Variants in MAML1 observed in about 807,000 individuals in gnomAD.
MAML1 encodes mastermind-like protein 1.
In MAML1, 14 loss-of-function variants were observed where a neutral mutation model predicts 77.1. The observed-to-expected ratio is 0.18, with a 90% CI of 0.12 to 0.28. The LOEUF is 0.28. Among genes scored for constraint, MAML1 ranks in the 10% least tolerant of loss-of-function variants. The probability of loss-of-function intolerance (pLI) is 1.00; values close to 1 mark genes in which losing one functional copy is unlikely to be tolerated. For synonymous variants in MAML1, 516 were observed against 551.9 expected (o/e 0.93, Z 0.91); for missense variants, 1,217 against 1,327.8 (o/e 0.92, Z 1.30).
At chr5:179,751,871 G>A (rs531111879) in intron 1 of MAML1, among the ~76,000 whole-genome samples, 87 of 152,152 alleles carry the variant, frequency 5.7e-4, no homozygotes, top group African/African-American at 2.1e-3. Context: ...AGGCTTGGTG[G>A]TGTACACCTG....
Position 179,764,995 on chromosome 5 carries a change from A to ATATGTGTG in MAML1, c.316-330_316-329insATGTGTGT, listed in dbSNP as rs1318382069. 1.2e-4 allele frequency among the ~76,000 whole-genome samples: 18 copies of ATATGTGTG among 147,682 alleles called. 1 individual carries two copies. Among genetic ancestry groups the ATATGTGTG allele is most frequent in the Admixed American group, 8.8e-4 (13 of 14,764 alleles). The stretch of plus-strand genomic sequence containing the variant: ...ACATATATATATATATAATATATAT[A>ATATGTGTG]TGTGTGTGTGTGTGTGTGTGTGTGT... On this transcript the variant is annotated intron_variant, in intron 1 of 4. Coordinates refer to ENST00000292599, the MANE Select transcript of MAML1 (RefSeq NM_014757.5).
rs542216761 is a variant in MAML1, at chr5:179,764,592, G to A, written c.316-734G>A. Among the ~76,000 whole-genome samples, 26 of 151,930 alleles carry A rather than the reference G, an allele frequency of 1.7e-4. 1 individual carries two copies. Among genetic ancestry groups the A allele is most frequent in the Admixed American group, 5.9e-4 (9 of 15,246 alleles). On this transcript the variant is annotated intron_variant, in intron 1 of 4. Coordinates refer to ENST00000292599, the MANE Select transcript of MAML1 (RefSeq NM_014757.5). ...GGAGAATGGCTTGAACCCTGGAGGC[G>A]GAGGTTGCTGTGAGCCAAGATCACG...
intron 4 of MAML1, among the ~76,000 whole-genome samples, chr5:179,773,222 A>G (rs981430284): frequency 2.6e-5 from 4 of 151,994 alleles, no homozygotes; most frequent in Non-Finnish European, 5.9e-5. Context: ...GCTCTTCCCT[A>G]TCTGGCCGGA....
intron 1 of MAML1, among the ~76,000 whole-genome samples, chr5:179,759,550 A>G (rs141252295): frequency 6.6e-5 from 10 of 152,352 alleles, no homozygotes; most frequent in African/African-American, 1.9e-4. Flanking sequence ...GCTACTTGAC[A>G]TGGATTTCCC....
In MAML1 at chr5:179,771,844, T is replaced by C. The variant is rs1267792123; in HGVS notation, c.2068+601T>C. On this transcript the variant is annotated intron_variant, in intron 4 of 4. Transcript: ENST00000292599. The surrounding 1 kb of genome is among the most constrained non-coding windows in gnomAD (Gnocchi z 4.7). The stretch of plus-strand genomic sequence containing the variant: ...GCTCTGGTCTGCCCGCCTTCCTAGC[T>C]CCTCTCAGAATGTCTTAGAAACCTC... Among the ~76,000 whole-genome samples the C allele has an allele frequency of 1.3e-5, 2 of 152,078 alleles. No individual in the cohort carries two copies. Among genetic ancestry groups the C allele is most frequent in the Non-Finnish European group, 2.9e-5 (2 of 68,002 alleles).
In MAML1 at chr5:179,750,422, C is replaced by G. The variant is rs574929755; in HGVS notation, c.316-14904C>G. Among the ~76,000 whole-genome samples, 139 of 151,978 alleles carry G rather than the reference C, an allele frequency of 9.1e-4. 4 individuals carry two copies. In the South Asian group the frequency reaches 0.028, roughly 31 times the overall value. On this transcript the variant is annotated intron_variant, in intron 1 of 4. Transcript: ENST00000292599. ...GTTTGCTTGTTTCTCTGCTGTATCC[C>G]TAGGGCCCAGAGAGTGGCTGGCTCA... is the stretch of plus-strand genomic sequence containing the variant.
chr5:179,741,460 G>A (rs1327507203), intron 1 of MAML1, among the ~76,000 whole-genome samples: 3 of 152,060 alleles, frequency 2.0e-5, no homozygotes, highest in East Asian at 1.9e-4. Context: ...TGAGGTGGGC[G>A]GATCACTTGA....
At chr5:179,759,409 A>T (rs1779684362) in intron 1 of MAML1, among the ~76,000 whole-genome samples, 1 of 152,246 alleles carries the variant, frequency 6.6e-6, no homozygotes, top group Non-Finnish European at 1.5e-5. Flanking sequence ...TGGGAATAAT[A>T]GGTTAAGAAT....
At chr5:179,746,698 C>A in intron 1 of MAML1, among the ~76,000 whole-genome samples, 1 of 152,102 alleles carries the variant, frequency 6.6e-6, no homozygotes, top group South Asian at 2.1e-4. Context: ...TATTTTGAAA[C>A]CTGAATTGTG....
chr5:179,776,053 C>T lies in MAML1; in HGVS notation c.*1176C>T. Reference sequence around the variant, plus strand: ...CACTAAGACATCCTTTCTAAAGATTCAAGTGGACTTGACTAAGCTGAGGGT... The same window carrying T: ...CACTAAGACATCCTTTCTAAAGATTTAAGTGGACTTGACTAAGCTGAGGGT... On this transcript the variant is annotated 3_prime_UTR_variant, in exon 5 of 5. Transcript: ENST00000292599. 1 of 985,868 alleles carries T rather than the reference C, an allele frequency of 1.0e-6. No individual in the cohort carries two copies. The highest frequency in any genetic ancestry group is 1.2e-6 in the Non-Finnish European group (1 of 829,930). The allele number at this position is 985,868 out of a possible 1,614,324, so 61.1% of individuals were successfully genotyped here.
At position 179,768,897 on chromosome 5, in the gene MAML1, T is replaced by G; in HGVS notation, c.1779T>G (p.Val593=). Reference sequence around the variant, plus strand: ...CTGTGCAAGCCCAGGCTACCAGTGTTGGGACCCAGCCGCCTGCCGTGTCCG... The same window carrying G: ...CTGTGCAAGCCCAGGCTACCAGTGTGGGGACCCAGCCGCCTGCCGTGTCCG... The part of the protein sequence containing the change: ...SVPVQAQATS[V]GTQPPAVSVA... Residue 593 remains valine, a synonymous_variant, in exon 3 of 5, where the codon GTT becomes GTG. Transcript: ENST00000292599. 3 of 1,614,188 alleles carry G rather than the reference T, an allele frequency of 1.9e-6. No individual in the cohort carries two copies. The highest frequency in any genetic ancestry group is 2.5e-6 in the Non-Finnish European group (3 of 1,180,028).
rs367807730 is a variant in MAML1 at position 179,765,365 on chromosome 5, A to G, written c.355A>G (p.Thr119Ala). 7.5e-6 allele frequency: 12 copies of G among 1,609,994 alleles called. No individual in the cohort carries two copies. In the African/African-American group the frequency reaches 1.6e-4, roughly 22 times the overall value. ...AGTTAAGAGGAATCTTGACAGCGCC[A>G]CTTCCCCTCAGAATGGCGATCAACA... ...DTVKRNLDSA[T>A]SPQNGDQQNG... is the part of the protein sequence containing the mutation. Residue 119 changes from threonine (T) to alanine (A), a missense_variant, in exon 2 of 5, where the codon ACT (threonine) becomes GCT (alanine). Coordinates refer to ENST00000292599, the MANE Select transcript of MAML1 (RefSeq NM_014757.5).
chr5:179,755,736 T>C (rs1779599741), intron 1 of MAML1, among the ~76,000 whole-genome samples: 1 of 152,012 alleles, frequency 6.6e-6, no homozygotes. Context: ...GCTACTATTA[T>C]TGTTAGCTTA....
At chr5:179,747,856 C>T (rs1779412246) in intron 1 of MAML1, among the ~76,000 whole-genome samples, 1 of 138,814 alleles carries the variant, frequency 7.2e-6, no homozygotes. Context: ...TGTGCTGCAA[C>T]ATGATCTTTG....
At chr5:179,745,859 C>CAA (rs36036714) in intron 1 of MAML1, among the ~76,000 whole-genome samples, 636 of 63,306 alleles carry the variant, frequency 0.01, 12 homozygotes, top group Non-Finnish European at 0.011. Flanking sequence ...AACTCCGTCT[C>CAA]AAAAAAAAAA....
intron 1 of MAML1, among the ~76,000 whole-genome samples, chr5:179,745,151 T>A (rs560762623): frequency 6.6e-6 from 1 of 151,858 alleles, no homozygotes; most frequent in African/African-American, 2.4e-5. Flanking sequence ...GTGATCCGCC[T>A]GCCTCGGCCT....
At chr5:179,773,520 ATTG>A (rs1396102973) in intron 4 of MAML1, among the ~76,000 whole-genome samples, 2 of 138,112 alleles carry the variant, frequency 1.4e-5, no homozygotes, top group African/African-American at 5.8e-5. Flanking sequence ...ATCGCGCCCC[ATTG>A]CGCCCCATCG....
chr5:179,773,992 C>T lies in MAML1; in HGVS notation c.2166C>T (p.Gly722=), dbSNP rs750077824. ...FPQAGNLMPM[G]PGHASVSSLP... is the part of the protein sequence containing the mutation. The stretch of plus-strand genomic sequence containing the variant: ...AGGCTGGGAATCTGATGCCAATGGG[C>T]CCTGGACATGCTTCAGTTTCCTCTC... The change falls in exon 5 of 5, where the codon GGC becomes GGT. Residue 722 remains glycine (G), a synonymous_variant. Coordinates refer to ENST00000292599, the MANE Select transcript of MAML1 (RefSeq NM_014757.5). The T allele has an allele frequency of 4.3e-6, 7 of 1,614,112 alleles. No individual in the cohort carries two copies. Among genetic ancestry groups the T allele is most frequent in the Middle Eastern group, 1.6e-4 (1 of 6,084 alleles).
Position 179,757,566 on chromosome 5 carries a change from C to CA in MAML1, c.316-7749dup, listed in dbSNP as rs1020375589. On this transcript the variant is annotated intron_variant, in intron 1 of 4. Transcript: ENST00000292599. ...CTGGGTGACAGAGTGAGACTCCTCT[C>CA]AAAAAAAAAAAGAAGTATAGCAATG... Among the ~76,000 whole-genome samples the CA allele has an allele frequency of 2.6e-3, 364 of 141,026 alleles. 1 individual carries two copies. Among genetic ancestry groups the CA allele is most frequent in the Middle Eastern group, 3.6e-3 (1 of 278 alleles). The allele number at this position is 141,026 out of a possible 152,430, so 92.5% of individuals were successfully genotyped here.
Sources: gnomAD v4.1 joint callset for allele counts (sites outside exome capture counted in the v4.1 genomes callset) on GRCh38, gnomAD v4.1.1 for gene constraint, Gnocchi (gnomAD v3.1) non-coding constraint, MANE v1.5 for transcripts, NCBI Gene and HGNC (gene_info 2026-07-23, HGNC 2026-07-21) for gene names.